Variants in TEX26 observed in about 807,000 individuals in gnomAD.
TEX26 encodes the protein testis-expressed protein 26.
Under a neutral mutation model 35.3 loss-of-function variants are expected in TEX26, and 34 were observed. The observed-to-expected ratio is 0.96, with a 90% CI of 0.73 to 1.28. The LOEUF (loss-of-function observed/expected upper bound fraction) is 1.28. Ranked by LOEUF, TEX26 falls within the 50% of genes most tolerant of loss-of-function variation. TEX26 has a pLI of 0.00. For missense variants in TEX26, 371 were observed against 330.1 expected (o/e 1.12, Z -0.96); for synonymous variants, 136 against 111.8 (o/e 1.22, Z -1.36).
At chr13:30,963,817 C>G (rs535209605) in intron 4 of TEX26, among the ~76,000 whole-genome samples, 1 of 152,114 alleles carries the variant, frequency 6.6e-6, no homozygotes, top group Admixed American at 6.6e-5. Context: ...CACCACATTC[C>G]CTGTTCATTC....
chr13:30,950,592 T>G lies in TEX26; in HGVS notation c.147-2068T>G, dbSNP rs1953883229. ...TCAGAGGCCTCTCCCTAAAAAGAGG[T>G]GAACATTTTGTAATTGTTAGGAGAT... On this transcript the variant is annotated intron_variant, in intron 2 of 6. Transcript: ENST00000380473. 2.0e-5 allele frequency among the ~76,000 whole-genome samples: 3 copies of G among 152,226 alleles called. No homozygotes were observed. The South Asian group carries it at 6.2e-4, about 32-fold the overall frequency.
chr13:30,943,242 T>A (rs1486844934), intron 2 of TEX26, among the ~76,000 whole-genome samples: 1 of 152,128 alleles, frequency 6.6e-6, no homozygotes, highest in Non-Finnish European at 1.5e-5. Flanking sequence ...CCTGGGTATT[T>A]TATTTTTTGC....
At position 30,952,781 on chromosome 13, in the gene TEX26, G is replaced by C. The variant is rs1953978520; in HGVS notation, c.268G>C (p.Glu90Gln). 5 of 1,612,788 alleles carry C rather than the reference G, an allele frequency of 3.1e-6. No homozygotes were observed. The highest frequency in any genetic ancestry group is 4.2e-6 in the Non-Finnish European group (5 of 1,179,502). ...SHSKEDLIKT[E>Q]TSRGIKSHKS... ...CTCTAAAGAAGATTTGATCAAAACTGAGACTTCAAGAGGAATCAAGAGCCA... is the reference window on the plus strand; with the variant it reads ...CTCTAAAGAAGATTTGATCAAAACTCAGACTTCAAGAGGAATCAAGAGCCA... The change falls in exon 3 of 7, where the codon GAG becomes CAG. Residue 90 changes from glutamate (E) to glutamine (Q), a missense_variant. Physicochemically the swap from Glu to Gln is conservative, Grantham distance 29. Coordinates refer to ENST00000380473, the MANE Select transcript of TEX26 (RefSeq NM_152325.3).
chr13:30,934,352 G>A (rs1471650096), intron 1 of TEX26, among the ~76,000 whole-genome samples: 1 of 152,200 alleles, frequency 6.6e-6, no homozygotes, highest in East Asian at 1.9e-4. Context: ...CCCAGGTTTG[G>A]TCCGAAATAG....
chr13:30,946,360 ATTTC>A (rs1056164096), intron 2 of TEX26, among the ~76,000 whole-genome samples: 2 of 151,476 alleles, frequency 1.3e-5, no homozygotes, highest in African/African-American at 2.4e-5. Context: ...TTGTTTCTTA[ATTTC>A]TTTATGTTGG....
intron 4 of TEX26, among the ~76,000 whole-genome samples, chr13:30,960,062 A>C (rs1220662518): frequency 6.6e-6 from 1 of 152,232 alleles, no homozygotes; most frequent in Admixed American, 6.5e-5. Flanking sequence ...AAGTCTAATG[A>C]AGAAAAAAAG....
chr13:30,951,594 C>T (rs1021808292), intron 2 of TEX26, among the ~76,000 whole-genome samples: 3 of 152,154 alleles, frequency 2.0e-5, no homozygotes, highest in Non-Finnish European at 2.9e-5. Context: ...GACCCAGCAA[C>T]AGCAATCATC....
In TEX26 at chr13:30,932,764, A is replaced by G. The variant is rs1185728971; in HGVS notation, c.49A>G (p.Asn17Asp). Residue 17 changes from asparagine to aspartate, a missense_variant, in exon 1 of 7, where the codon AAC (asparagine) becomes GAC (aspartate). Transcript: ENST00000380473. ...RAPDPSLCHH[N>D]LQPTDDPNWD... ...TCCGGATCCCTCTCTCTGCCACCACAACCTCCAGCCAAGTAAGACAGCAGA... is the reference window on the plus strand; with the variant it reads ...TCCGGATCCCTCTCTCTGCCACCACGACCTCCAGCCAAGTAAGACAGCAGA... 1.2e-6 allele frequency: 2 copies of G among 1,613,796 alleles called. No individual in the cohort carries two copies. Among genetic ancestry groups the G allele is most frequent in the Non-Finnish European group, 1.7e-6 (2 of 1,179,988 alleles).
rs1954848345 is a variant in TEX26 at position 30,975,491 on chromosome 13, T to G, written c.*584T>G. 6.6e-6 allele frequency: 1 copy of G among 152,190 alleles called. No individual in the cohort carries two copies. Among genetic ancestry groups the G allele is most frequent in the African/African-American group, 2.4e-5 (1 of 41,460 alleles). 9.4% of individuals were successfully genotyped at this position (152,190 alleles called of 1,614,324 possible). ...ATTGGAACCTCCCACAATAAATATA[T>G]TTTTATCAATTTTCCCTTGTATTTC... On this transcript the variant is annotated 3_prime_UTR_variant, in exon 7 of 7. Coordinates refer to ENST00000380473, the MANE Select transcript of TEX26 (RefSeq NM_152325.3).
At chr13:30,967,455 T>A (rs558480025) in intron 5 of TEX26, among the ~76,000 whole-genome samples, 1 of 152,324 alleles carries the variant, frequency 6.6e-6, no homozygotes, top group South Asian at 2.1e-4. Context: ...GTAATATTCC[T>A]TGCTAAACTT....
At position 30,966,396 on chromosome 13, in the gene TEX26, T is replaced by C. The variant is rs1423915344; in HGVS notation, c.644T>C (p.Leu215Pro). 2 of 1,610,730 alleles carry C rather than the reference T, an allele frequency of 1.2e-6. No individual in the cohort carries two copies. The highest frequency in any genetic ancestry group is 1.7e-6 in the Non-Finnish European group (2 of 1,177,912). The change falls in exon 5 of 7, where the codon CTA becomes CCA. Residue 215 changes from leucine to proline, a missense_variant and splice_region_variant. Transcript: ENST00000380473. ...AGCTTGCCTGTTGCTTCTCAGGGTCTAGGTGAGTACAGCTGCAGTTTCTTT... is the reference window on the plus strand; with the variant it reads ...AGCTTGCCTGTTGCTTCTCAGGGTCCAGGTGAGTACAGCTGCAGTTTCTTT... ...YSSLPVASQG[L>P]VPSVLHSYLR...
chr13:30,966,712 T>C (rs1171913763), intron 5 of TEX26, among the ~76,000 whole-genome samples: 1 of 152,172 alleles, frequency 6.6e-6, no homozygotes, highest in Non-Finnish European at 1.5e-5. Context: ...GTGCTAGGGT[T>C]ACAGGCTGGA....
At chr13:30,949,284 G>T (rs926104675) in intron 2 of TEX26, among the ~76,000 whole-genome samples, 2 of 152,030 alleles carry the variant, frequency 1.3e-5, no homozygotes, top group Non-Finnish European at 2.9e-5. Context: ...CCAAAATACA[G>T]ACTTTTTTGA....
intron 4 of TEX26, among the ~76,000 whole-genome samples, chr13:30,964,536 T>C (rs780252510): frequency 1.3e-5 from 2 of 152,234 alleles, no homozygotes; most frequent in African/African-American, 4.8e-5. Flanking sequence ...GGAAGAGATA[T>C]AGATAAAAGC....
chr13:30,966,660 A>G (rs773615553), intron 5 of TEX26, among the ~76,000 whole-genome samples: 1 of 151,974 alleles, frequency 6.6e-6, no homozygotes, highest in Non-Finnish European at 1.5e-5. Flanking sequence ...GCTGGTCTCA[A>G]ACTCCTGGTG....
At chr13:30,939,831 T>C in intron 2 of TEX26, 53 bp downstream of exon 2, 1 of 1,503,668 alleles carries the variant, frequency 6.7e-7, no homozygotes, top group Non-Finnish European at 9.2e-7. Flanking sequence ...TGTTGACTTG[T>C]CTTTTATGAC....
At chr13:30,946,284 A>G (rs1233386578) in intron 2 of TEX26, among the ~76,000 whole-genome samples, 1 of 151,750 alleles carries the variant, frequency 6.6e-6, no homozygotes, top group Non-Finnish European at 1.5e-5. Flanking sequence ...TGTGTCTTTC[A>G]TTTCTAGAAG....
Position 30,939,722 on chromosome 13 carries a change from T to C in TEX26, c.90T>C (p.Ala30=), listed in dbSNP as rs1470965534. The change falls in exon 2 of 7, where the codon GCT becomes GCC. Residue 30 remains alanine (A), a synonymous_variant. Coordinates refer to ENST00000380473, the MANE Select transcript of TEX26 (RefSeq NM_152325.3). ...PTDDPNWDSY[A]TTMRTAFTPK... The stretch of plus-strand genomic sequence containing the variant: ...ATGACCCCAACTGGGATTCCTATGC[T>C]ACCACTATGAGGACTGCATTCACGC... 6.2e-7 allele frequency: 1 copy of C among 1,614,158 alleles called. No homozygotes were observed. The highest frequency in any genetic ancestry group is 8.5e-7 in the Non-Finnish European group (1 of 1,179,968).
intron 4 of TEX26, 88 bp from the exon 5 acceptor site, chr13:30,966,134 T>C: frequency 1.4e-6 from 2 of 1,432,524 alleles, no homozygotes; most frequent in South Asian, 1.2e-5. Context: ...CAGGGCACAT[T>C]GACCATACCT....
Sources: gnomAD v4.1 joint callset for allele counts (sites outside exome capture counted in the v4.1 genomes callset) on GRCh38, gnomAD v4.1.1 for gene constraint, MANE v1.5 for transcripts, NCBI Gene and HGNC (gene_info 2026-07-23, HGNC 2026-07-21) for gene names.